Variants in RAB11FIP2 observed in about 807,000 individuals in gnomAD.
RAB11FIP2 encodes RAB11 family interacting protein 2.
RAB11FIP2 carries 16 observed loss-of-function variants against 40.9 expected under a neutral mutation model. The ratio of observed to expected loss-of-function variants is 0.39; its 90% CI spans 0.26 to 0.59. The LOEUF (loss-of-function observed/expected upper bound fraction) is 0.59. Ranked by LOEUF, RAB11FIP2 falls within the 20% of genes least tolerant of loss-of-function variation. RAB11FIP2 has a pLI of 0.53. For missense variants in RAB11FIP2, 532 were observed against 606.2 expected, an observed-to-expected ratio of 0.88 and a Z score of 1.28; for synonymous variants, 228 against 213.7, an observed-to-expected ratio of 1.07 and a Z score of -0.58.
In RAB11FIP2 at chr10:118,005,799, C is replaced by T. The variant is rs1430168862; in HGVS notation, c.*3199G>A. 2 of 151,920 alleles carry T rather than the reference C, an allele frequency of 1.3e-5. No individual in the cohort carries two copies. The highest frequency in any genetic ancestry group is 1.9e-4 in the East Asian group (1 of 5,186). The allele number at this position is 151,920 out of a possible 1,614,324, so 9.4% of individuals were successfully genotyped here. ...CTTTGTTAAAGAATAAGCACCCTTC[C>T]GGGGATGGTAGGCAGGGAGGCGTGG... On this transcript the variant is annotated 3_prime_UTR_variant, in exon 5 of 5. Transcript: ENST00000355624.
chr10:118,037,633 T>C (rs913871913), intron 3 of RAB11FIP2, among the ~76,000 whole-genome samples: 2 of 152,104 alleles, frequency 1.3e-5, no homozygotes, highest in Admixed American at 1.3e-4. Context: ...GTGGGATTAT[T>C]TTCCTTGTTT....
At chr10:118,025,277 A>T (rs1273389653) in intron 3 of RAB11FIP2, among the ~76,000 whole-genome samples, 1 of 152,204 alleles carries the variant, frequency 6.6e-6, no homozygotes, top group Non-Finnish European at 1.5e-5. Flanking sequence ...AGCTTTTAAA[A>T]ATGTTTCTGC....
At chr10:118,016,065 TATA>T (rs1846215941) in intron 3 of RAB11FIP2, among the ~76,000 whole-genome samples, 1 of 152,224 alleles carries the variant, frequency 6.6e-6, no homozygotes, top group Admixed American at 6.5e-5. Flanking sequence ...GGACACTGGA[TATA>T]ATGTTGGTAA....
chr10:118,023,096 T>C (rs1846300687), intron 3 of RAB11FIP2, among the ~76,000 whole-genome samples: 1 of 152,256 alleles, frequency 6.6e-6, no homozygotes, highest in South Asian at 2.1e-4. Flanking sequence ...ACAGAATCAA[T>C]TCAATTAGCC....
rs144850980 is a variant in RAB11FIP2, at chr10:118,040,445, G to C, written c.474C>G (p.Asp158Glu). 128 of 1,613,342 alleles carry C rather than the reference G, an allele frequency of 7.9e-5. No homozygotes were observed. The highest frequency in any genetic ancestry group is 1.1e-4 in the Non-Finnish European group (125 of 1,179,524). The change falls in exon 2 of 5, where the codon GAC becomes GAG. Residue 158 changes from aspartate (D) to glutamate (E), a missense_variant. By Grantham distance (45) the Asp-to-Glu change is conservative. Coordinates refer to ENST00000355624, the MANE Select transcript of RAB11FIP2 (RefSeq NM_014904.3). Reference sequence around the variant, plus strand: ...ACTTTGCAAAAGGAGATCTGGTTTTGTCCTTCATTGATAAGTCAAACATAC... The same window carrying C: ...ACTTTGCAAAAGGAGATCTGGTTTTCTCCTTCATTGATAAGTCAAACATAC... Reference protein sequence around the residue: ...TASMFDLSMKDKTRSPFAKLK... With the variant: ...TASMFDLSMKEKTRSPFAKLK...
Position 118,006,054 on chromosome 10 carries a change from C to CAGA in RAB11FIP2, c.*2941_*2943dup, listed in dbSNP as rs1280737083. The CAGA allele has an allele frequency of 2.6e-5, 4 of 152,536 alleles. No individual in the cohort carries two copies. Among genetic ancestry groups the CAGA allele is most frequent in the Non-Finnish European group, 5.9e-5 (4 of 68,012 alleles). 9.4% of individuals were successfully genotyped at this position (152,536 alleles called of 1,614,324 possible). On this transcript the variant is annotated 3_prime_UTR_variant, in exon 5 of 5. Transcript: ENST00000355624. ...GACAATGGCAAAACTAGGCTCAATG[C>CAGA]AGAACATAGCAGCAAAAAGCAATAC...
chr10:118,012,814 T>C (rs1381195119), intron 4 of RAB11FIP2, among the ~76,000 whole-genome samples: 2 of 152,086 alleles, frequency 1.3e-5, no homozygotes, highest in African/African-American at 4.8e-5. Flanking sequence ...CACTTATGTT[T>C]TTAAGATGTT....
intron 2 of RAB11FIP2, 100 bp downstream of exon 2, chr10:118,040,023 A>G: frequency 8.2e-7 from 1 of 1,220,616 alleles, no homozygotes; most frequent in Non-Finnish European, 1.1e-6. Context: ...GGAAAATACT[A>G]CAAAGCAACT....
At position 118,009,105 on chromosome 10, in the gene RAB11FIP2, C is replaced by A; in HGVS notation, c.1432G>T (p.Glu478Ter). The change falls in exon 5 of 5, where the codon GAG becomes TAG. Residue 478 changes from glutamate to a stop codon, truncating the protein, a stop_gained. Coordinates refer to ENST00000355624, the MANE Select transcript of RAB11FIP2 (RefSeq NM_014904.3). LOFTEE classifies it high-confidence loss of function. The stretch of plus-strand genomic sequence containing the variant: ...ACAAGGAGGTTGTCGATGTAGTCCT[C>A]GAGTTCCCGGATGTGGGTGTCTTTC... The part of the protein sequence containing the change: ...RRKDTHIREL[E>*]DYIDNLLVRV... 6.2e-7 allele frequency: 1 copy of A among 1,613,576 alleles called. No individual in the cohort carries two copies. The highest frequency in any genetic ancestry group is 8.5e-7 in the Non-Finnish European group (1 of 1,179,598).
intron 3 of RAB11FIP2, among the ~76,000 whole-genome samples, chr10:118,023,619 T>C (rs1022428105): frequency 6.6e-6 from 1 of 152,268 alleles, no homozygotes; most frequent in South Asian, 2.1e-4. Context: ...CAATTAAAAA[T>C]TGTGGTCAGT....
chr10:118,024,740 GA>G (rs1846322871), intron 3 of RAB11FIP2, among the ~76,000 whole-genome samples: 1 of 152,072 alleles, frequency 6.6e-6, no homozygotes, highest in Non-Finnish European at 1.5e-5. Flanking sequence ...TGAAGCAGGT[GA>G]AAAAAGACAG....
chr10:118,039,689 A>T, intron 2 of RAB11FIP2: 1 of 442,008 alleles, frequency 2.3e-6, no homozygotes, highest in Non-Finnish European at 4.0e-6. Flanking sequence ...ATAAACTATG[A>T]TGTCAAAACT....
chr10:118,040,087 T>A, intron 2 of RAB11FIP2, 36 bp downstream of exon 2: 1 of 1,555,966 alleles, frequency 6.4e-7, no homozygotes, highest in Non-Finnish European at 8.8e-7. Context: ...AAAAGGGTAG[T>A]TCAGACCAAT....
At chr10:118,044,250 A>T (rs1025403276) in intron 1 of RAB11FIP2, among the ~76,000 whole-genome samples, 4 of 152,182 alleles carry the variant, frequency 2.6e-5, no homozygotes, top group Non-Finnish European at 5.9e-5. Flanking sequence ...AGGAAAATTT[A>T]TGTTTCAGAG....
intron 3 of RAB11FIP2, among the ~76,000 whole-genome samples, chr10:118,031,413 A>G (rs1369579479): frequency 1.3e-5 from 2 of 152,168 alleles, no homozygotes; most frequent in African/African-American, 4.8e-5. Context: ...ATTTCATAAA[A>G]ATGGCTACAT....
chr10:118,021,680 C>G (rs1012440712), intron 3 of RAB11FIP2, among the ~76,000 whole-genome samples: 1 of 152,236 alleles, frequency 6.6e-6, no homozygotes, highest in African/African-American at 2.4e-5. Context: ...ACTATTTTCA[C>G]TAAAATCACC....
intron 3 of RAB11FIP2, among the ~76,000 whole-genome samples, chr10:118,037,614 T>A (rs2133180553): frequency 6.6e-6 from 1 of 152,204 alleles, no homozygotes; most frequent in South Asian, 2.1e-4. Context: ...CCTCACCGAA[T>A]CCTATCAAGT....
chr10:118,031,725 C>T (rs758808233), intron 3 of RAB11FIP2, among the ~76,000 whole-genome samples: 29 of 152,074 alleles, frequency 1.9e-4, no homozygotes, highest in Non-Finnish European at 3.4e-4. Flanking sequence ...GAGGCTCTTC[C>T]ACCAAACATT....
At chr10:118,022,654 T>C (rs568604008) in intron 3 of RAB11FIP2, among the ~76,000 whole-genome samples, 220 of 152,324 alleles carry the variant, frequency 1.4e-3, no homozygotes, top group Non-Finnish European at 2.6e-3. Context: ...TTTTCAAATA[T>C]ATGGTATAAA....
Sources: gnomAD v4.1 joint callset for allele counts (sites outside exome capture counted in the v4.1 genomes callset) on GRCh38, gnomAD v4.1.1 for gene constraint, MANE v1.5 for transcripts, NCBI Gene and HGNC (gene_info 2026-07-23, HGNC 2026-07-21) for gene names.